The following CDH8 variants were observed in gnomAD, a reference collection of about 807,000 sequenced individuals.
CDH8 encodes the protein cadherin-8.
Under a neutral mutation model 68.1 loss-of-function variants are expected in CDH8, and 17 were observed. The observed-to-expected ratio is 0.25, with a 90% confidence interval of 0.17 to 0.37. The LOEUF (loss-of-function observed/expected upper bound fraction) is 0.37. CDH8 is among the 10% of genes least tolerant of loss of function. CDH8 has a pLI of 1.00. For missense variants in CDH8, 763 were observed against 999.3 expected, an observed-to-expected ratio of 0.76 and a Z score of 3.19; for synonymous variants, 372 against 365.1, an observed-to-expected ratio of 1.02 and a Z score of -0.21.
intron 2 of CDH8, among the ~76,000 whole-genome samples, chr16:62,011,106 G>A (rs919913003): frequency 6.6e-6 from 1 of 151,876 alleles, no homozygotes. Context: ...AAATATGCAT[G>A]TAGTATTTTA....
chr16:61,715,103 T>C (rs1354419723), intron 9 of CDH8, among the ~76,000 whole-genome samples: 1 of 151,598 alleles, frequency 6.6e-6, no homozygotes, highest in Non-Finnish European at 1.5e-5. Flanking sequence ...GAGGCAAAAA[T>C]AAAATACTTT....
rs540272699 is a variant in CDH8 at position 61,880,071 on chromosome 16, G to A, written c.547+21108C>T. On this transcript the variant is annotated intron_variant, in intron 3 of 11. Coordinates refer to ENST00000577390, the MANE Select transcript of CDH8 (RefSeq NM_001796.5). ...CTCCTGAGTAGCTGGGACTACAGGC[G>A]CCCACCACCACGCCCTGCTAATTTT... Among the ~76,000 whole-genome samples the A allele has an allele frequency of 1.3e-3, 198 of 151,964 alleles. 2 individuals carry two copies. Among genetic ancestry groups the A allele is most frequent in the Non-Finnish European group, 9.3e-4 (63 of 67,962 alleles).
At chr16:62,013,637 C>G (rs1901869514) in intron 2 of CDH8, among the ~76,000 whole-genome samples, 1 of 152,118 alleles carries the variant, frequency 6.6e-6, no homozygotes, top group South Asian at 2.1e-4. Flanking sequence ...TGCAACCACA[C>G]TCTTATGTTA....
At chr16:61,839,728 G>C (rs1405357766) in intron 4 of CDH8, among the ~76,000 whole-genome samples, 1 of 152,146 alleles carries the variant, frequency 6.6e-6, no homozygotes, top group South Asian at 2.1e-4. Context: ...TTAAAGCCAT[G>C]GAGAGAGCAC....
chr16:61,810,792 G>A (rs556569400), intron 7 of CDH8, among the ~76,000 whole-genome samples: 9 of 152,042 alleles, frequency 5.9e-5, no homozygotes, highest in African/African-American at 1.7e-4. Flanking sequence ...GGGAGGCCGA[G>A]GGGGGCGGAT....
At chr16:61,728,414 A>G (rs1024988260) in intron 8 of CDH8, among the ~76,000 whole-genome samples, 2 of 151,092 alleles carry the variant, frequency 1.3e-5, no homozygotes, top group African/African-American at 2.4e-5. Flanking sequence ...TTGGTTAACT[A>G]CAAGTGGCTG....
At chr16:61,931,827 T>C (rs1964544186) in intron 2 of CDH8, among the ~76,000 whole-genome samples, 1 of 152,160 alleles carries the variant, frequency 6.6e-6, no homozygotes. Flanking sequence ...GCTGAAAACA[T>C]AACACAAACA....
chr16:61,755,684 C>T (rs541743742), intron 8 of CDH8, among the ~76,000 whole-genome samples: 1 of 151,978 alleles, frequency 6.6e-6, no homozygotes, highest in South Asian at 2.1e-4. Context: ...TCTGTGTTAT[C>T]CACGCATCAC....
Position 61,710,610 on chromosome 16 carries a change from C to T in CDH8, c.1654+3231G>A, listed in dbSNP as rs148587516. ...AAATCCAGGTCCCCTGTCTATTTCT[C>T]GTCTTACCATAGGCTCTCCTTAGAG... On this transcript the variant is annotated intron_variant, in intron 10 of 11. Transcript: ENST00000577390. 4.6e-5 allele frequency: 7 copies of T among 152,100 alleles called. No individual in the cohort carries two copies. The East Asian group carries it at 5.8e-4, about 13-fold the overall frequency. The allele number at this position is 152,100 out of a possible 1,614,324, so 9.4% of individuals were successfully genotyped here.
chr16:61,750,880 C>T (rs1960141555), intron 8 of CDH8, among the ~76,000 whole-genome samples: 1 of 151,984 alleles, frequency 6.6e-6, no homozygotes, highest in African/African-American at 2.4e-5. Flanking sequence ...CTTTTGATTT[C>T]TTGCACATAA....
intron 8 of CDH8, among the ~76,000 whole-genome samples, chr16:61,756,048 CG>C (rs1399510778): frequency 4.6e-5 from 7 of 151,958 alleles, no homozygotes; most frequent in Non-Finnish European, 8.8e-5. Context: ...CTCAAACTCC[CG>C]GGCTCAAGTG....
chr16:61,776,488 C>T (rs934931946), intron 8 of CDH8, among the ~76,000 whole-genome samples: 2 of 152,046 alleles, frequency 1.3e-5, no homozygotes, highest in Non-Finnish European at 2.9e-5. Context: ...AAGTTGCCAA[C>T]CTGGCCGGGA....
At chr16:61,827,918 C>A (rs1036868950) in intron 4 of CDH8, among the ~76,000 whole-genome samples, 2 of 151,780 alleles carry the variant, frequency 1.3e-5, no homozygotes, top group Non-Finnish European at 2.9e-5. Flanking sequence ...AGTCGATTAA[C>A]ATATAAATAG....
chr16:61,961,994 T>C (rs1460094659), intron 2 of CDH8, among the ~76,000 whole-genome samples: 1 of 152,204 alleles, frequency 6.6e-6, no homozygotes, highest in East Asian at 1.9e-4. Context: ...ATTTTGTATA[T>C]TATAGACATT....
At chr16:61,830,585 T>G (rs1962434443) in intron 4 of CDH8, among the ~76,000 whole-genome samples, 1 of 151,762 alleles carries the variant, frequency 6.6e-6, no homozygotes, top group Admixed American at 6.6e-5. Context: ...GTGTCTATCT[T>G]TTTTCATAAA....
chr16:61,852,720 A>T (rs1205726776), intron 4 of CDH8, among the ~76,000 whole-genome samples: 1 of 152,026 alleles, frequency 6.6e-6, no homozygotes, highest in African/African-American at 2.4e-5. Context: ...TTCCTCTTAC[A>T]TCTTCTCTAT....
chr16:61,814,055 C>A (rs905661758), intron 7 of CDH8, among the ~76,000 whole-genome samples: 3 of 152,276 alleles, frequency 2.0e-5, no homozygotes, highest in Admixed American at 2.0e-4. Context: ...TGGTGGCTTA[C>A]CTTTTATTAA....
chr16:61,728,417 A>G (rs1959438496), intron 8 of CDH8, among the ~76,000 whole-genome samples: 2 of 151,046 alleles, frequency 1.3e-5, no homozygotes, highest in African/African-American at 4.8e-5. Context: ...GTTAACTACA[A>G]GTGGCTGAAT....
intron 8 of CDH8, among the ~76,000 whole-genome samples, chr16:61,769,859 T>C (rs554859535): frequency 6.6e-6 from 1 of 152,018 alleles, no homozygotes; most frequent in East Asian, 1.9e-4. Flanking sequence ...TGCAACCAAG[T>C]TGATGTAAGC....
Sources: gnomAD v4.1 joint callset for allele counts (sites outside exome capture counted in the v4.1 genomes callset) on GRCh38, gnomAD v4.1.1 for gene constraint, MANE v1.5 for transcripts, NCBI Gene and HGNC (gene_info 2026-07-23, HGNC 2026-07-21) for gene names.